NMNAT3: variants seen among roughly 807,000 people sequenced by gnomAD.
NMNAT3 encodes the protein nicotinamide nucleotide adenylyltransferase 3.
A neutral mutation model predicts 24.8 loss-of-function variants in NMNAT3; 21 were observed. The observed-to-expected ratio is 0.85, with a 90% CI of 0.60 to 1.22. The LOEUF (loss-of-function observed/expected upper bound fraction) is 1.22, where lower values mean the gene tolerates loss of function less well. Ranked by LOEUF, NMNAT3 falls within the 50% of genes most tolerant of loss-of-function variation. The pLI is 0.00. For synonymous variants in NMNAT3, 136 were observed against 155.2 expected (o/e 0.88, Z 0.92); for missense variants, 387 against 436.6 (o/e 0.89, Z 1.01).
intron 1 of NMNAT3, among the ~76,000 whole-genome samples, chr3:139,643,802 CACA>C (rs1166233972): frequency 2.6e-5 from 4 of 152,130 alleles, no homozygotes; most frequent in Non-Finnish European, 4.4e-5. Flanking sequence ...AGATTGCTTG[CACA>C]ACAACATCAA....
At chr3:139,633,335 T>G (rs574572581) in intron 2 of NMNAT3, among the ~76,000 whole-genome samples, 1 of 152,230 alleles carries the variant, frequency 6.6e-6, no homozygotes, top group Non-Finnish European at 1.5e-5. Context: ...CACGTCCCAC[T>G]GTGCCCTGCT....
intron 6 of NMNAT3, 126 bp downstream of exon 6, chr3:139,573,472 A>G: frequency 2.2e-6 from 1 of 446,556 alleles, no homozygotes; most frequent in Non-Finnish European, 4.0e-6. Flanking sequence ...GCAGGCCTTA[A>G]ATTCCTTATC....
chr3:139,568,597 T>G (rs990097872), intron 6 of NMNAT3: 10 of 152,328 alleles, frequency 6.6e-5, no homozygotes, highest in African/African-American at 2.2e-4. Flanking sequence ...ATTTCATTAT[T>G]TACCCAGTAG....
At position 139,627,667 on chromosome 3, in the gene NMNAT3, T is replaced by C. The variant is rs2056115367; in HGVS notation, c.58A>G (p.Asn20Asp). Residue 20 changes from asparagine (N) to aspartate (D), a missense_variant, in exon 3 of 7, where the codon AAC (asparagine) becomes GAC (aspartate). Asn to Asp is a conservative substitution (Grantham distance 23). Coordinates refer to ENST00000643695, the MANE Select transcript of NMNAT3 (RefSeq NM_001320510.2). ...ACCTCAAACATGCGCAGGTGCATGT[T>C]GGTGATGGGGTTAAAGGAGCCACAG... 1 of 1,596,376 alleles carries C rather than the reference T, an allele frequency of 6.3e-7. No homozygotes were observed. Among genetic ancestry groups the C allele is most frequent in the Non-Finnish European group, 8.5e-7 (1 of 1,178,620 alleles).
intron 3 of NMNAT3, among the ~76,000 whole-genome samples, chr3:139,620,216 T>A (rs1688114661): frequency 1.3e-5 from 2 of 150,960 alleles, no homozygotes; most frequent in African/African-American, 2.4e-5. Context: ...TTTTTTTTTT[T>A]AAAGTTTGAT....
intron 3 of NMNAT3, among the ~76,000 whole-genome samples, chr3:139,609,215 G>A (rs2055082581): frequency 6.6e-6 from 1 of 152,216 alleles, no homozygotes; most frequent in South Asian, 2.1e-4. Flanking sequence ...AGGTTTCTGT[G>A]TGAACACAAG....
At chr3:139,563,776 G>C (rs1318975768) in intron 6 of NMNAT3, among the ~76,000 whole-genome samples, 1 of 152,090 alleles carries the variant, frequency 6.6e-6, no homozygotes, top group Non-Finnish European at 1.5e-5. Context: ...TTACAACACT[G>C]TTACAAAATT....
At chr3:139,660,190 C>T (rs1259688373) in intron 1 of NMNAT3, among the ~76,000 whole-genome samples, 9 of 152,160 alleles carry the variant, frequency 5.9e-5, no homozygotes, top group East Asian at 1.9e-4. Flanking sequence ...CGGTGCCAAG[C>T]GGTGAGCAGC....
chr3:139,654,183 T>C (rs1447665705), intron 1 of NMNAT3, among the ~76,000 whole-genome samples: 1 of 152,202 alleles, frequency 6.6e-6, no homozygotes, highest in African/African-American at 2.4e-5. Flanking sequence ...AAGCTAAGCA[T>C]TTGGCAATTA....
At chr3:139,675,595 C>A (rs1219624636) in intron 1 of NMNAT3, among the ~76,000 whole-genome samples, 1 of 152,156 alleles carries the variant, frequency 6.6e-6, no homozygotes, top group Admixed American at 6.5e-5. Context: ...TGCTTTATGG[C>A]AAAACCACTG....
chr3:139,562,740 C>T (rs911594726), intron 6 of NMNAT3, among the ~76,000 whole-genome samples: 1 of 152,218 alleles, frequency 6.6e-6, no homozygotes, highest in Non-Finnish European at 1.5e-5. Context: ...GCACAGGCTG[C>T]TGTGCGGCCA....
chr3:139,622,334 T>C (rs927493665), intron 3 of NMNAT3, among the ~76,000 whole-genome samples: 9 of 152,138 alleles, frequency 5.9e-5, no homozygotes, highest in East Asian at 3.9e-4. Context: ...TGATGATTAG[T>C]AATGTTTAGC....
At chr3:139,647,720 A>G (rs1228414373) in intron 1 of NMNAT3, among the ~76,000 whole-genome samples, 1 of 152,198 alleles carries the variant, frequency 6.6e-6, no homozygotes, top group African/African-American at 2.4e-5. Context: ...AGCAAGGAAC[A>G]AATTTCTCCC....
In NMNAT3 at chr3:139,560,979, G is replaced by A. The variant is rs1477995048; in HGVS notation, c.*31C>T. On this transcript the variant is annotated 3_prime_UTR_variant, in exon 7 of 7. Transcript: ENST00000643695. Reference sequence around the variant, plus strand: ...GCCCTCTCCCCAGCAGGAGCTTGTTGGAGGAGGTGTGGGTGCTGAGTCCCC... The same window carrying A: ...GCCCTCTCCCCAGCAGGAGCTTGTTAGAGGAGGTGTGGGTGCTGAGTCCCC... 2 of 1,586,218 alleles carry A rather than the reference G, an allele frequency of 1.3e-6. No homozygotes were observed. The highest frequency in any genetic ancestry group is 2.7e-5 in the African/African-American group (2 of 74,228).
At chr3:139,597,908 A>G (rs2054550495) in intron 3 of NMNAT3, among the ~76,000 whole-genome samples, 1 of 152,210 alleles carries the variant, frequency 6.6e-6, no homozygotes, top group Non-Finnish European at 1.5e-5. Flanking sequence ...GAGAGGAGGA[A>G]CACATCTGTC....
At chr3:139,619,028 A>G (rs1053967689) in intron 3 of NMNAT3, among the ~76,000 whole-genome samples, 2 of 152,110 alleles carry the variant, frequency 1.3e-5, no homozygotes, top group African/African-American at 4.8e-5. Context: ...TATGCTGCCT[A>G]AACTGTGCCT....
intron 1 of NMNAT3, chr3:139,672,699 G>T (rs1448162721): frequency 6.6e-6 from 1 of 152,210 alleles, no homozygotes; most frequent in Admixed American, 6.5e-5. Context: ...TGGTGATAAG[G>T]TCTACATCTG....
rs1559891019 is a variant in NMNAT3, at chr3:139,596,945, TA to T, written c.110-13738del. Among the ~76,000 whole-genome samples the T allele has an allele frequency of 1.5e-3, 196 of 129,764 alleles. 4 individuals carry two copies. Among genetic ancestry groups the T allele is most frequent in the African/African-American group, 4.3e-3 (134 of 30,816 alleles). 85.1% of individuals were successfully genotyped at this position (129,764 alleles called of 152,430 possible). ...ATATATATATATATATATATATATA[TA>T]TATATATATATATATATATTTTTAT... On this transcript the variant is annotated intron_variant, in intron 3 of 6. Coordinates refer to ENST00000643695, the MANE Select transcript of NMNAT3 (RefSeq NM_001320510.2).
intron 3 of NMNAT3, among the ~76,000 whole-genome samples, chr3:139,614,854 C>T (rs569009378): frequency 6.6e-6 from 1 of 152,298 alleles, no homozygotes; most frequent in South Asian, 2.1e-4. Context: ...TTATTTCAAC[C>T]TGCTAGTATT....
Sources: allele counts gnomAD v4.1 joint callset (sites outside exome capture counted in the v4.1 genomes callset), GRCh38; gene constraint gnomAD v4.1.1; transcripts MANE v1.5; gene names NCBI Gene and HGNC (gene_info 2026-07-23, HGNC 2026-07-21).